Variants in TTC28 observed in about 807,000 individuals in gnomAD.
The protein encoded by TTC28 is tetratricopeptide repeat domain 28, also known as tetratricopeptide repeat protein 28.
TTC28 carries 61 observed loss-of-function variants against 198.0 expected under a neutral mutation model. The observed-to-expected ratio is 0.31, with a 90% CI of 0.25 to 0.38. TTC28 has a LOEUF of 0.38. Among genes scored for constraint, TTC28 ranks in the 10% least tolerant of loss-of-function variants. The probability of loss-of-function intolerance (pLI) is 1.00; values close to 1 mark genes in which losing one functional copy is unlikely to be tolerated. For missense variants in TTC28, 2,678 were observed against 3,164.0 expected (o/e 0.85, Z 3.69); for synonymous variants, 1,171 against 1,297.8 (o/e 0.90, Z 2.10).
chr22:28,422,680 C>T (rs1055998952), intron 2 of TTC28, among the ~76,000 whole-genome samples: 21 of 152,002 alleles, frequency 1.4e-4, no homozygotes, highest in African/African-American at 4.6e-4. Flanking sequence ...CTCCCGACCT[C>T]ACGATTCACC....
intron 12 of TTC28, among the ~76,000 whole-genome samples, chr22:28,072,083 T>C (rs1183829912): frequency 6.6e-6 from 1 of 152,222 alleles, no homozygotes; most frequent in African/African-American, 2.4e-5. Flanking sequence ...TCCCAGATGA[T>C]ACTATATGTT....
intron 13 of TTC28, among the ~76,000 whole-genome samples, chr22:28,016,365 T>C (rs1412061517): frequency 1.3e-5 from 2 of 152,218 alleles, no homozygotes; most frequent in Non-Finnish European, 2.9e-5. Flanking sequence ...GAGGAGACGC[T>C]TTGGCATGAC....
At chr22:28,314,292 G>C (rs1391962708) in intron 2 of TTC28, among the ~76,000 whole-genome samples, 2 of 152,124 alleles carry the variant, frequency 1.3e-5, no homozygotes, top group Non-Finnish European at 2.9e-5. Flanking sequence ...ATTACCCAAA[G>C]TAATTTATAG....
At chr22:28,537,173 G>A (rs1190528621) in intron 2 of TTC28, among the ~76,000 whole-genome samples, 6 of 150,682 alleles carry the variant, frequency 4.0e-5, no homozygotes, top group African/African-American at 1.5e-4. Flanking sequence ...GGTGCCTGTA[G>A]TCCCAGCTAC....
chr22:28,363,392 A>T (rs563148953), intron 2 of TTC28, among the ~76,000 whole-genome samples: 1 of 152,284 alleles, frequency 6.6e-6, no homozygotes, highest in South Asian at 2.1e-4. Flanking sequence ...ATTTTAGAGG[A>T]TATATGGAAA....
At chr22:28,129,609 G>A (rs1433262218) in intron 6 of TTC28, among the ~76,000 whole-genome samples, 1 of 152,176 alleles carries the variant, frequency 6.6e-6, no homozygotes, top group East Asian at 1.9e-4. Flanking sequence ...GGTGTGGTAA[G>A]GATGAGGTGA....
At chr22:28,453,858 C>T (rs919938024) in intron 2 of TTC28, among the ~76,000 whole-genome samples, 13 of 152,334 alleles carry the variant, frequency 8.5e-5, no homozygotes, top group African/African-American at 3.1e-4. Flanking sequence ...TTAAGACCCG[C>T]TTAAGGCTTC....
intron 12 of TTC28, among the ~76,000 whole-genome samples, chr22:28,042,474 G>A (rs775326618): frequency 6.6e-6 from 1 of 151,938 alleles, no homozygotes; most frequent in Admixed American, 6.6e-5. Context: ...GCAAACTATC[G>A]CAAGGACAAA....
chr22:28,390,979 T>C (rs1230887371), intron 2 of TTC28, among the ~76,000 whole-genome samples: 6 of 152,314 alleles, frequency 3.9e-5, no homozygotes, highest in South Asian at 2.1e-4. Context: ...GCGGCTGGTA[T>C]CAGTTGTTCC....
intron 2 of TTC28, among the ~76,000 whole-genome samples, chr22:28,394,290 T>G (rs2046780758): frequency 6.6e-6 from 1 of 152,224 alleles, no homozygotes; most frequent in Non-Finnish European, 1.5e-5. Flanking sequence ...GTATCATGTT[T>G]TATTAAATAT....
chr22:28,268,973 C>T (rs1224724859), intron 5 of TTC28, among the ~76,000 whole-genome samples: 2 of 152,154 alleles, frequency 1.3e-5, no homozygotes, highest in Admixed American at 6.6e-5. Flanking sequence ...AGAAAGTACG[C>T]TATATCTTTA....
At chr22:28,190,511 C>A (rs1386897278) in intron 5 of TTC28, among the ~76,000 whole-genome samples, 1 of 152,122 alleles carries the variant, frequency 6.6e-6, no homozygotes, top group East Asian at 1.9e-4. Flanking sequence ...TCTGAATCTA[C>A]CTCTGAGGTA....
chr22:28,052,670 T>A (rs1272848357), intron 12 of TTC28, among the ~76,000 whole-genome samples: 1 of 152,236 alleles, frequency 6.6e-6, no homozygotes, highest in African/African-American at 2.4e-5. Flanking sequence ...AAAATTGTGT[T>A]GGCTATGGGG....
chr22:28,021,531 G>A (rs1938597030), intron 13 of TTC28, among the ~76,000 whole-genome samples: 1 of 152,190 alleles, frequency 6.6e-6, no homozygotes, highest in Non-Finnish European at 1.5e-5. Context: ...GTGGCCCTGG[G>A]TGAGCTGCAG....
Position 28,099,042 on chromosome 22 carries a change from A to C in TTC28, c.3420T>G (p.Leu1140=). 4 of 1,551,950 alleles carry C rather than the reference A, an allele frequency of 2.6e-6. No homozygotes were observed. The highest frequency in any genetic ancestry group is 3.5e-6 in the Non-Finnish European group (4 of 1,147,030). The change falls in exon 10 of 23, where the codon CTT becomes CTG. Residue 1140 remains leucine (L), a splice_region_variant and synonymous_variant. Transcript: ENST00000397906. ...SGNLEEAQHQ[L]YRASALFETI... ...TTTCAAACAAGGCTGATGCCCTATAAAGCTGCAAGGAGGGAGGAAGAACAT... is the reference window on the plus strand; with the variant it reads ...TTTCAAACAAGGCTGATGCCCTATACAGCTGCAAGGAGGGAGGAAGAACAT...
At chr22:28,061,027 AG>A in intron 12 of TTC28, among the ~76,000 whole-genome samples, 1 of 152,320 alleles carries the variant, frequency 6.6e-6, no homozygotes, top group Admixed American at 6.5e-5. Flanking sequence ...TCCTTTGAGA[AG>A]TGTCTGTTCA....
chr22:28,633,055 G>A (rs1209010174), intron 1 of TTC28, among the ~76,000 whole-genome samples: 2 of 151,940 alleles, frequency 1.3e-5, no homozygotes, highest in African/African-American at 2.4e-5. Context: ...CGAGGTGGGC[G>A]GATCACCTGA....
At chr22:28,097,586 A>T (rs1297074476) in intron 10 of TTC28, among the ~76,000 whole-genome samples, 1 of 152,224 alleles carries the variant, frequency 6.6e-6, no homozygotes, top group Non-Finnish European at 1.5e-5. Flanking sequence ...AAAAATGTAA[A>T]GGAATTGTTT....
chr22:28,231,528 T>C (rs1308452478), intron 5 of TTC28, among the ~76,000 whole-genome samples: 1 of 152,220 alleles, frequency 6.6e-6, no homozygotes, highest in East Asian at 1.9e-4. Flanking sequence ...ATAAACCTAA[T>C]ACAAGAGTGG....
Sources: allele counts gnomAD v4.1 joint callset (sites outside exome capture counted in the v4.1 genomes callset), GRCh38; gene constraint gnomAD v4.1.1; transcripts MANE v1.5; gene names NCBI Gene and HGNC (gene_info 2026-07-23, HGNC 2026-07-21).